FAM135B: variants seen among roughly 807,000 people sequenced by gnomAD.
The protein encoded by FAM135B is family with sequence similarity 135 member B.
In FAM135B, 43 loss-of-function variants were observed where a neutral mutation model predicts 127.7. That is an observed-to-expected ratio of 0.34 (90% CI 0.26 to 0.43). The LOEUF (loss-of-function observed/expected upper bound fraction) is 0.43, where lower values mean the gene tolerates loss of function less well. Ranked by LOEUF, FAM135B falls within the 20% of genes least tolerant of loss-of-function variation. The pLI is 1.00. For missense variants in FAM135B, 1,558 were observed against 1,725.6 expected (o/e 0.90, Z 1.72); for synonymous variants, 670 against 665.1 (o/e 1.01, Z -0.11).
chr8:138,140,125 T>C (rs1446631073), intron 17 of FAM135B, among the ~76,000 whole-genome samples: 1 of 152,214 alleles, frequency 6.6e-6, no homozygotes, highest in Non-Finnish European at 1.5e-5. Context: ...CTTCCTTGGT[T>C]TGGGAGGAAA....
intron 1 of FAM135B, chr8:138,450,938 A>G (rs1018505652): frequency 6.6e-6 from 1 of 152,240 alleles, no homozygotes; most frequent in African/African-American, 2.4e-5. Flanking sequence ...TATTATCTCA[A>G]CTGCATAAAT....
At chr8:138,309,929 G>A (rs2130887842) in intron 3 of FAM135B, among the ~76,000 whole-genome samples, 1 of 141,444 alleles carries the variant, frequency 7.1e-6, no homozygotes, top group South Asian at 2.2e-4. Flanking sequence ...CAGTGCAGTG[G>A]CACAATCTTG....
chr8:138,401,588 T>A (rs1011026577), intron 1 of FAM135B, among the ~76,000 whole-genome samples: 1 of 152,206 alleles, frequency 6.6e-6, no homozygotes, highest in African/African-American at 2.4e-5. Context: ...CAATCTCATA[T>A]CTATTTTCTC....
In FAM135B at chr8:138,151,911, A is replaced by G. The variant is rs1818193412; in HGVS notation, c.2564T>C (p.Phe855Ser). 2 of 1,614,160 alleles carry G rather than the reference A, an allele frequency of 1.2e-6. No individual in the cohort carries two copies. Among genetic ancestry groups the G allele is most frequent in the Non-Finnish European group, 1.7e-6 (2 of 1,180,030 alleles). ...IDIPKGKGKQFDAQGHCLPDG... is the reference protein window; with the variant it reads ...IDIPKGKGKQSDAQGHCLPDG... ...AGGAAGACAGTGTCCTTGAGCATCA[A>G]ACTGCTTCCCTTTCCCTTTGGGGAT... The change falls in exon 13 of 20, where the codon TTT becomes TCT. Residue 855 changes from phenylalanine to serine, a missense_variant. By Grantham distance (155) the Phe-to-Ser change is radical. Transcript: ENST00000395297.
intron 7 of FAM135B, among the ~76,000 whole-genome samples, chr8:138,212,468 T>G (rs934956020): frequency 6.6e-6 from 1 of 152,228 alleles, no homozygotes; most frequent in African/African-American, 2.4e-5. Flanking sequence ...CTCCTTTTCC[T>G]GCAGTCTCAC....
chr8:138,486,965 T>A (rs1404876677), intron 1 of FAM135B, among the ~76,000 whole-genome samples: 1 of 151,946 alleles, frequency 6.6e-6, no homozygotes, highest in African/African-American at 2.4e-5. Flanking sequence ...AGTTTTCTTT[T>A]CTTTTTTTTT....
intron 4 of FAM135B, among the ~76,000 whole-genome samples, chr8:138,259,918 T>C (rs1366747201): frequency 6.6e-6 from 1 of 152,168 alleles, no homozygotes; most frequent in Non-Finnish European, 1.5e-5. Context: ...GCTATAGTAA[T>C]AGTCAAAAAC....
chr8:138,444,356 C>T (rs1040556405), intron 1 of FAM135B, among the ~76,000 whole-genome samples: 8 of 152,186 alleles, frequency 5.3e-5, no homozygotes. Context: ...ACATTCTTCT[C>T]AGCACCACAC....
intron 1 of FAM135B, among the ~76,000 whole-genome samples, chr8:138,413,731 T>A (rs929710222): frequency 4.0e-5 from 6 of 151,842 alleles, no homozygotes; most frequent in South Asian, 2.1e-4. Flanking sequence ...GTGACTGGAA[T>A]AAAAACTCAC....
Position 138,265,855 on chromosome 8 carries a change from A to G in FAM135B, c.158-13T>C, listed in dbSNP as rs2130633306. On this transcript the variant is annotated splice_polypyrimidine_tract_variant and intron_variant, in intron 3 of 19. Coordinates refer to ENST00000395297, the MANE Select transcript of FAM135B (RefSeq NM_015912.4). ...AGGCTGCTGCTCTCTGCAAAACAAG[A>G]ATCAGTAGGAACCCATGAACTCCAA... The G allele has an allele frequency of 6.2e-7, 1 of 1,612,016 alleles. No homozygotes were observed. The highest frequency in any genetic ancestry group is 8.5e-7 in the Non-Finnish European group (1 of 1,179,618).
intron 2 of FAM135B, among the ~76,000 whole-genome samples, chr8:138,334,150 T>C (rs1250562530): frequency 6.6e-6 from 1 of 152,180 alleles, no homozygotes; most frequent in Non-Finnish European, 1.5e-5. Context: ...CTCAAACTCC[T>C]GACCTCAGGT....
At chr8:138,190,463 C>T (rs1332747120) in intron 9 of FAM135B, among the ~76,000 whole-genome samples, 1 of 152,194 alleles carries the variant, frequency 6.6e-6, no homozygotes, top group African/African-American at 2.4e-5. Context: ...CAAGAAAATA[C>T]CAACACAACA....
chr8:138,154,164 C>A (rs1418777734), intron 12 of FAM135B, among the ~76,000 whole-genome samples: 3 of 152,072 alleles, frequency 2.0e-5, no homozygotes, highest in Non-Finnish European at 4.4e-5. Flanking sequence ...CTGGTGATAC[C>A]CAGGCAAACA....
chr8:138,482,305 C>G (rs941649903), intron 1 of FAM135B, among the ~76,000 whole-genome samples: 1 of 151,762 alleles, frequency 6.6e-6, no homozygotes, highest in Non-Finnish European at 1.5e-5. Context: ...TACGTGGCCA[C>G]GAGGGCCATC....
intron 2 of FAM135B, among the ~76,000 whole-genome samples, chr8:138,327,920 G>A (rs983193351): frequency 5.3e-5 from 8 of 152,144 alleles, no homozygotes; most frequent in Admixed American, 4.6e-4. Context: ...GAACATATGA[G>A]AGAGACTTCA....
rs747522761 is a variant in FAM135B, at chr8:138,178,500, T to A, written c.1029+35A>T. 1.9e-6 allele frequency: 3 copies of A among 1,609,760 alleles called. No homozygotes were observed. In the Admixed American group the frequency reaches 5.0e-5, roughly 27 times the overall value. On this transcript the variant is annotated intron_variant, in intron 10 of 19. Transcript: ENST00000395297. ...GGTTCCTCCAAAGAAATCAAATGCATGTGATCAGAGAATGCACAGCAGTTG... is the reference window on the plus strand; with the variant it reads ...GGTTCCTCCAAAGAAATCAAATGCAAGTGATCAGAGAATGCACAGCAGTTG...
intron 1 of FAM135B, among the ~76,000 whole-genome samples, chr8:138,379,644 C>T (rs1831712976): frequency 6.6e-6 from 1 of 152,066 alleles, no homozygotes; most frequent in African/African-American, 2.4e-5. Flanking sequence ...GGATACCGAG[C>T]CCACAGCCAA....
At chr8:138,303,750 G>A (rs1826048482) in intron 3 of FAM135B, among the ~76,000 whole-genome samples, 1 of 152,194 alleles carries the variant, frequency 6.6e-6, no homozygotes, top group South Asian at 2.1e-4. Context: ...CTGTGCATGA[G>A]AATCCATGCG....
At chr8:138,278,502 G>GTACT (rs1399578769) in intron 3 of FAM135B, among the ~76,000 whole-genome samples, 1 of 151,254 alleles carries the variant, frequency 6.6e-6, no homozygotes, top group Non-Finnish European at 1.5e-5. Context: ...GACCACTGTG[G>GTACT]TACTGGGGGA....
Sources: allele counts gnomAD v4.1 joint callset (sites outside exome capture counted in the v4.1 genomes callset), GRCh38; gene constraint gnomAD v4.1.1; transcripts MANE v1.5; gene names NCBI Gene and HGNC (gene_info 2026-07-23, HGNC 2026-07-21).